CDH4: variants seen among roughly 807,000 people sequenced by gnomAD.
CDH4 encodes the protein cadherin 4, also known as cadherin-4.
A neutral mutation model predicts 86.0 loss-of-function variants in CDH4; 33 were observed. The ratio of observed to expected loss-of-function variants is 0.38; its 90% CI spans 0.29 to 0.51. The LOEUF (loss-of-function observed/expected upper bound fraction) is 0.51, where lower values mean the gene tolerates loss of function less well. Ranked by LOEUF, CDH4 falls within the 20% of genes least tolerant of loss-of-function variation. CDH4 has a pLI of 0.86. For synonymous variants in CDH4, 555 were observed against 549.4 expected (o/e 1.01, Z -0.14); for missense variants, 1,114 against 1,307.4 (o/e 0.85, Z 2.28).
intron 2 of CDH4, among the ~76,000 whole-genome samples, chr20:61,463,000 G>A (rs182167404): frequency 6.6e-6 from 1 of 152,308 alleles, no homozygotes; most frequent in Admixed American, 6.5e-5. Flanking sequence ...AGAACCAGGT[G>A]GAAATAATTG....
At chr20:61,641,076 C>T (rs1040177940) in intron 2 of CDH4, among the ~76,000 whole-genome samples, 1 of 152,150 alleles carries the variant, frequency 6.6e-6, no homozygotes, top group African/African-American at 2.4e-5. Context: ...CATGTTTTCC[C>T]CAGCCCTGTG....
chr20:61,827,226 C>T (rs1038476709), intron 4 of CDH4, among the ~76,000 whole-genome samples: 3 of 152,000 alleles, frequency 2.0e-5, no homozygotes, highest in Non-Finnish European at 4.4e-5. Context: ...TCAACGCGTC[C>T]GTCTATCAAG....
intron 2 of CDH4, among the ~76,000 whole-genome samples, chr20:61,352,682 A>G (rs2084719742): frequency 6.6e-6 from 1 of 151,934 alleles, no homozygotes; most frequent in Non-Finnish European, 1.5e-5. Context: ...CCTTGGATGG[A>G]GATGTTCTCT....
rs185190832 is a variant in CDH4 at position 61,280,157 on chromosome 20, C to T, written c.169+25220C>T. ...GGTCTGCCAGGCTGGGTGGGGTGAC[C>T]CTGGGCTGTGTGTGGGATGGGCTCT... On this transcript the variant is annotated intron_variant, in intron 2 of 15. Transcript: ENST00000614565. Among the ~76,000 whole-genome samples the T allele has an allele frequency of 7.2e-5, 11 of 152,146 alleles. No homozygotes were observed. The East Asian group carries it at 1.7e-3, about 24-fold the overall frequency.
rs2087551284 is a variant in CDH4 at position 61,684,325 on chromosome 20, AG to A, written c.170-59232del. Among the ~76,000 whole-genome samples the A allele has an allele frequency of 6.6e-6, 1 of 152,122 alleles. No individual in the cohort carries two copies. Among genetic ancestry groups the A allele is most frequent in the African/African-American group, 2.4e-5 (1 of 41,420 alleles). ...TGCGACTGAGCCCTGTGGGAAGAGC[AG>A]GGGGGCCGCCCAGCTAAGGAAGCAG... On this transcript the variant is annotated intron_variant, in intron 2 of 15. Coordinates refer to ENST00000614565, the MANE Select transcript of CDH4 (RefSeq NM_001794.5). The surrounding 1 kb of genome is among the most constrained non-coding windows in gnomAD (Gnocchi z 4.5).
At chr20:61,458,487 G>T (rs1374971245) in intron 2 of CDH4, among the ~76,000 whole-genome samples, 3 of 151,282 alleles carry the variant, frequency 2.0e-5, no homozygotes, top group African/African-American at 7.3e-5. Flanking sequence ...AGTGGTGGTG[G>T]TGCTGATGGT....
chr20:61,934,954 T>C (rs1221563276), intron 15 of CDH4, among the ~76,000 whole-genome samples: 2 of 152,260 alleles, frequency 1.3e-5, no homozygotes, highest in Non-Finnish European at 2.9e-5. Flanking sequence ...CAGTTTCCAC[T>C]TCCAACGCGC....
chr20:61,916,017 T>C (rs2054900167), intron 9 of CDH4, among the ~76,000 whole-genome samples: 1 of 152,260 alleles, frequency 6.6e-6, no homozygotes, highest in Non-Finnish European at 1.5e-5. Context: ...TTTTTGTTCT[T>C]ACTCCATATA....
At chr20:61,359,621 A>T (rs1458954882) in intron 2 of CDH4, among the ~76,000 whole-genome samples, 1 of 152,200 alleles carries the variant, frequency 6.6e-6, no homozygotes, top group Non-Finnish European at 1.5e-5. Flanking sequence ...GTCTTTGGGG[A>T]CAAGGACTTA....
chr20:61,730,889 C>T (rs1352906513), intron 2 of CDH4, among the ~76,000 whole-genome samples: 1 of 146,084 alleles, frequency 6.8e-6, no homozygotes, highest in African/African-American at 2.5e-5. Flanking sequence ...GCGGGCTGAG[C>T]TGGGCGGCGG....
chr20:61,624,296 T>C (rs2145778847), intron 2 of CDH4, among the ~76,000 whole-genome samples: 1 of 152,354 alleles, frequency 6.6e-6, no homozygotes, highest in African/African-American at 2.4e-5. Flanking sequence ...CAATTTACTG[T>C]TCTTTCCCAC....
rs907959610 is a variant in CDH4, at chr20:61,544,699, A to G, written c.170-198864A>G. Among the ~76,000 whole-genome samples the G allele has an allele frequency of 6.6e-6, 1 of 151,990 alleles. No homozygotes were observed. The highest frequency in any genetic ancestry group is 1.5e-5 in the Non-Finnish European group (1 of 68,004). The stretch of plus-strand genomic sequence containing the variant: ...TGACCACACTCCTGCCTTCTGCCAC[A>G]GTTGCAGTTTGGGATAATTTTGGTG... On this transcript the variant is annotated intron_variant, in intron 2 of 15. Transcript: ENST00000614565. This position sits in a 1 kb window ranked among gnomAD's most constrained non-coding sequence, Gnocchi z 6.5.
At chr20:61,321,870 T>C (rs1035955297) in intron 2 of CDH4, among the ~76,000 whole-genome samples, 1 of 152,162 alleles carries the variant, frequency 6.6e-6, no homozygotes, top group Non-Finnish European at 1.5e-5. Flanking sequence ...CAGTCCTCTC[T>C]GCAGTCTTAC....
intron 4 of CDH4, among the ~76,000 whole-genome samples, chr20:61,831,427 G>A (rs541434313): frequency 6.6e-6 from 1 of 152,352 alleles, no homozygotes; most frequent in Non-Finnish European, 1.5e-5. Flanking sequence ...AGCAGAGCCT[G>A]TGCTCAAATC....
At chr20:61,443,718 T>C (rs577246564) in intron 2 of CDH4, among the ~76,000 whole-genome samples, 1 of 152,286 alleles carries the variant, frequency 6.6e-6, no homozygotes, top group South Asian at 2.1e-4. Context: ...ACTCATATGA[T>C]TTATACGCGG....
At chr20:61,802,040 C>T (rs764336112) in intron 4 of CDH4, among the ~76,000 whole-genome samples, 11 of 152,264 alleles carry the variant, frequency 7.2e-5, no homozygotes, top group South Asian at 4.1e-4. Flanking sequence ...GGCGCAAGAG[C>T]GGGCCTCAAT....
chr20:61,374,536 C>G (rs772202734), intron 2 of CDH4, among the ~76,000 whole-genome samples: 1 of 152,180 alleles, frequency 6.6e-6, no homozygotes, highest in Non-Finnish European at 1.5e-5. Flanking sequence ...GTTTCCTCAG[C>G]TGTGAGATGG....
In CDH4 at chr20:61,708,250, A is replaced by AG. The variant is rs1424788907; in HGVS notation, c.170-35308dup. 1.3e-5 allele frequency among the ~76,000 whole-genome samples: 2 copies of AG among 152,136 alleles called. No individual in the cohort carries two copies. The highest frequency in any genetic ancestry group is 1.3e-4 in the Admixed American group (2 of 15,282). On this transcript the variant is annotated intron_variant, in intron 2 of 15. Coordinates refer to ENST00000614565, the MANE Select transcript of CDH4 (RefSeq NM_001794.5). The surrounding 1 kb of genome is among the most constrained non-coding windows in gnomAD (Gnocchi z 4.5). ...CAGGGCTGAGTGTAGCGTGGCCAGC[A>AG]GGGGGTTGACTTTTACCCCGAACCA...
chr20:61,415,534 G>A (rs565201272), intron 2 of CDH4, among the ~76,000 whole-genome samples: 5 of 151,924 alleles, frequency 3.3e-5, no homozygotes, highest in Non-Finnish European at 5.9e-5. Flanking sequence ...ACTCCCAGCC[G>A]CACTCTCCCC....
Sources: gnomAD v4.1 joint callset for allele counts (sites outside exome capture counted in the v4.1 genomes callset) on GRCh38, gnomAD v4.1.1 for gene constraint, Gnocchi (gnomAD v3.1) non-coding constraint, MANE v1.5 for transcripts, NCBI Gene and HGNC (gene_info 2026-07-23, HGNC 2026-07-21) for gene names.